The following NKX6-1 variants were observed in gnomAD, a reference collection of about 807,000 sequenced individuals.
The protein encoded by NKX6-1 is homeobox protein Nkx-6.1.
A neutral mutation model predicts 24.9 loss-of-function variants in NKX6-1; 11 were observed. That is an observed-to-expected ratio of 0.44 (90% CI 0.28 to 0.73). NKX6-1 has a LOEUF of 0.73. Ranked by LOEUF, NKX6-1 falls within the 30% of genes least tolerant of loss-of-function variation. NKX6-1 has a pLI of 0.15. For synonymous variants in NKX6-1, 277 were observed against 242.9 expected, an observed-to-expected ratio of 1.14 and a Z score of -1.31; for missense variants, 487 against 502.9, an observed-to-expected ratio of 0.97 and a Z score of 0.30.
At chr4:84,494,291 A>G (rs1260911475) in intron 2 of NKX6-1, among the ~76,000 whole-genome samples, 1 of 152,204 alleles carries the variant, frequency 6.6e-6, no homozygotes, top group Non-Finnish European at 1.5e-5. Context: ...TAAAACGTGA[A>G]AAATTGTCAA....
At position 84,491,996 on chromosome 4, in the gene NKX6-1, T is replaced by G. The variant is rs1720732957; in HGVS notation, c.*1293A>C. The G allele has an allele frequency of 3.3e-5, 5 of 152,004 alleles. No individual in the cohort carries two copies. Among genetic ancestry groups the G allele is most frequent in the Admixed American group, 3.3e-4 (5 of 15,254 alleles). The allele number at this position is 152,004 out of a possible 1,614,324, so 9.4% of individuals were successfully genotyped here. On this transcript the variant is annotated 3_prime_UTR_variant, in exon 3 of 3. Transcript: ENST00000295886. The stretch of plus-strand genomic sequence containing the variant: ...CAAGGCAACAGACGTCTTCAAACTG[T>G]TTTTTTTAATTTGATTTATCCTTTG...
rs1720773673 is a variant in NKX6-1, at chr4:84,493,908, T to C, written c.844-359A>G. The stretch of plus-strand genomic sequence containing the variant: ...TGCCTTCCAGTTTGAAGTTGAAAAC[T>C]TTCCCCCTTCATGAAGTTGCCCCAC... On this transcript the variant is annotated intron_variant, in intron 2 of 2. Transcript: ENST00000295886. This position sits in a 1 kb window ranked among gnomAD's most constrained non-coding sequence, Gnocchi z 5.1. Among the ~76,000 whole-genome samples the C allele has an allele frequency of 6.6e-6, 1 of 152,216 alleles. No homozygotes were observed. Among genetic ancestry groups the C allele is most frequent in the Non-Finnish European group, 1.5e-5 (1 of 68,038 alleles).
At position 84,495,700 on chromosome 4, in the gene NKX6-1, G is replaced by A; in HGVS notation, c.815C>T (p.Ser272Leu). The change falls in exon 2 of 3, where the codon TCG (serine) becomes TTG (leucine). Residue 272 changes from serine to leucine, a missense_variant. Ser to Leu is a moderately radical substitution (Grantham distance 145). Around this residue, in one of 3 missense-constraint regions of NKX6-1, gnomAD observed 45 missense variants for 86.0 expected, o/e 0.52. Transcript: ENST00000295886. ...GACCTGACTCTCTGTCATCCCCAACGAATAGGCCAAACGAGCCCTCTCGGG... is the reference window on the plus strand; with the variant it reads ...GACCTGACTCTCTGTCATCCCCAACAAATAGGCCAAACGAGCCCTCTCGGG... ...AGPERARLAY[S>L]LGMTESQVKV... is the part of the protein sequence containing the mutation. 1 of 1,612,636 alleles carries A rather than the reference G, an allele frequency of 6.2e-7. No individual in the cohort carries two copies. The highest frequency in any genetic ancestry group is 8.5e-7 in the Non-Finnish European group (1 of 1,180,026).
rs560506089 is a variant in NKX6-1 at position 84,497,820 on chromosome 4, A to G, written c.409T>C (p.Ser137Pro). Residue 137 changes from serine to proline, a missense_variant, in exon 1 of 3, where the codon TCT becomes CCT. By Grantham distance (74) the Ser-to-Pro change is moderately conservative (BLOSUM62 -1). Transcript: ENST00000295886. The surrounding 1 kb of genome is among the most constrained non-coding windows in gnomAD (Gnocchi z 4.8). ...GCGGCAGCAGCCGCGGCGGCGGCAG[A>G]GGCGGAGGAGGCAGAGGCGGACGAG... The part of the protein sequence containing the change: ...SSSSASASSA[S>P]AAAAAAAAAA... 2 of 1,271,854 alleles carry G rather than the reference A, an allele frequency of 1.6e-6. No homozygotes were observed. Among genetic ancestry groups the G allele is most frequent in the Non-Finnish European group, 2.0e-6 (2 of 1,014,066 alleles). 78.8% of individuals were successfully genotyped at this position (1,271,854 alleles called of 1,614,324 possible).
chr4:84,495,871 AG>A (rs1436839541), intron 1 of NKX6-1, 27 bp from the exon 2 acceptor site: 11 of 1,611,144 alleles, frequency 6.8e-6, no homozygotes, highest in Non-Finnish European at 9.3e-6. Context: ...ACAACGAGAG[AG>A]GGGGAAAAAC....
At chr4:84,495,290 C>G (rs2278672) in intron 2 of NKX6-1, among the ~76,000 whole-genome samples, 49,634 of 152,028 alleles carry the variant, frequency 0.33, 8,416 homozygotes, top group Middle Eastern at 0.45. Context: ...CAAACAAAAA[C>G]TTGGATATCG....
Position 84,493,695 on chromosome 4 carries a change from C to A in NKX6-1, c.844-146G>T. 1 of 1,036,998 alleles carries A rather than the reference C, an allele frequency of 9.6e-7. No homozygotes were observed. Among genetic ancestry groups the A allele is most frequent in the East Asian group, 2.6e-5 (1 of 38,448 alleles). 64.2% of individuals were successfully genotyped at this position (1,036,998 alleles called of 1,614,324 possible). A position where few individuals can be genotyped will look rare whatever the true frequency, so the allele number is the denominator to read the frequency against. On this transcript the variant is annotated intron_variant, in intron 2 of 2. Coordinates refer to ENST00000295886, the MANE Select transcript of NKX6-1 (RefSeq NM_006168.3). The surrounding 1 kb of genome is among the most constrained non-coding windows in gnomAD (Gnocchi z 5.1). ...GCCCTCCCTCGCAGCCCTCCCTTTT[C>A]TCGGCCGTCAAAGTCAGTCTCCGTC...
At position 84,495,816 on chromosome 4, in the gene NKX6-1, G is replaced by A. The variant is rs781546328; in HGVS notation, c.699C>T (p.Asp233=). The change falls in exon 2 of 3, where the codon GAC becomes GAT. Residue 233 remains aspartate, a synonymous_variant. Transcript: ENST00000295886. ...TGGGTCTCGTGTGTTTTCTCTTCCC[G>A]TCTTTGTCCAACAAAATGGATCCTT... is the stretch of plus-strand genomic sequence containing the variant. ...PHQGSILLDK[D]GKRKHTRPTF... 14 of 1,613,930 alleles carry A rather than the reference G, an allele frequency of 8.7e-6. No homozygotes were observed. The highest frequency in any genetic ancestry group is 1.6e-4 in the Middle Eastern group (1 of 6,078).
chr4:84,493,190 C>G lies in NKX6-1; in HGVS notation c.*99G>C, dbSNP rs1720756842. On this transcript the variant is annotated 3_prime_UTR_variant, in exon 3 of 3. Coordinates refer to ENST00000295886, the MANE Select transcript of NKX6-1 (RefSeq NM_006168.3). This position sits in a 1 kb window ranked among gnomAD's most constrained non-coding sequence, Gnocchi z 5.1. The stretch of plus-strand genomic sequence containing the variant: ...GCAGGCAGGGCCGGGTCCTCCGGGC[C>G]CCGAGGAGCGGGCAGGCGCGGCGTG... The G allele has an allele frequency of 8.5e-7, 1 of 1,177,548 alleles. No individual in the cohort carries two copies. Among genetic ancestry groups the G allele is most frequent in the Non-Finnish European group, 1.1e-6 (1 of 908,412 alleles). The allele number at this position is 1,177,548 out of a possible 1,614,324, so 72.9% of individuals were successfully genotyped here.
At chr4:84,496,529 C>G (rs1051023344) in intron 1 of NKX6-1, 1 of 152,256 alleles carries the variant, frequency 6.6e-6, no homozygotes, top group Non-Finnish European at 1.5e-5. Flanking sequence ...CAGTTACTGC[C>G]GCTCAGCCGC....
chr4:84,496,604 A>C (rs976415986), intron 1 of NKX6-1: 2 of 152,280 alleles, frequency 1.3e-5, no homozygotes, highest in Non-Finnish European at 2.9e-5. Flanking sequence ...GAACTGAGCG[A>C]GAAAAGGACC....
At position 84,495,660 on chromosome 4, in the gene NKX6-1, A is replaced by G; in HGVS notation, c.843+12T>C. On this transcript the variant is annotated intron_variant, in intron 2 of 2. Coordinates refer to ENST00000295886, the MANE Select transcript of NKX6-1 (RefSeq NM_006168.3). ...CGGTACCTATCCCTCCAGGTATGCA[A>G]GGTCCACTCACCTTGACCTGACTCT... The G allele has an allele frequency of 6.2e-7, 1 of 1,610,192 alleles. No homozygotes were observed. The highest frequency in any genetic ancestry group is 1.1e-5 in the South Asian group (1 of 90,932).
In NKX6-1 at chr4:84,493,373, C is replaced by A; in HGVS notation, c.1020G>T (p.Thr340=). Residue 340 remains threonine (T), a synonymous_variant, in exon 3 of 3, where the codon ACG becomes ACT. Transcript: ENST00000295886. This position sits in a 1 kb window ranked among gnomAD's most constrained non-coding sequence, Gnocchi z 5.1. ...LDPNSDDEKI[T]QLLKKHKSSS... Reference sequence around the variant, plus strand: ...TGGACTTGTGCTTCTTCAACAGCTGCGTGATTTTCTCGTCGTCCGAGTTGG... The same window carrying A: ...TGGACTTGTGCTTCTTCAACAGCTGAGTGATTTTCTCGTCGTCCGAGTTGG... The A allele has an allele frequency of 1.2e-6, 2 of 1,614,070 alleles. No homozygotes were observed. The highest frequency in any genetic ancestry group is 1.7e-4 in the Middle Eastern group (1 of 6,058).
rs1323285634 is a variant in NKX6-1, at chr4:84,493,068, C to T, written c.*221G>A. The T allele has an allele frequency of 1.3e-5, 5 of 378,732 alleles. No individual in the cohort carries two copies. The highest frequency in any genetic ancestry group is 4.7e-5 in the Admixed American group (1 of 21,286). The allele number at this position is 378,732 out of a possible 1,614,324, so 23.5% of individuals were successfully genotyped here. A position where few individuals can be genotyped will look rare whatever the true frequency, so the allele number is the denominator to read the frequency against. The stretch of plus-strand genomic sequence containing the variant: ...CAGTGCATTTGGTGGTCTTTCTTGC[C>T]TTATCAACCCCGGAGTCTCTCTCCC... On this transcript the variant is annotated 3_prime_UTR_variant, in exon 3 of 3. Transcript: ENST00000295886. The surrounding 1 kb of genome is among the most constrained non-coding windows in gnomAD (Gnocchi z 5.1).
intron 2 of NKX6-1, 51 bp downstream of exon 2, chr4:84,495,621 G>T: frequency 4.6e-6 from 7 of 1,518,550 alleles, no homozygotes; most frequent in Non-Finnish European, 5.4e-6. Context: ...GTGTGCACGC[G>T]CGCGCGACAG....
chr4:84,498,298 G>C lies in NKX6-1; in HGVS notation c.-70C>G. The C allele has an allele frequency of 7.9e-7, 1 of 1,272,358 alleles. No individual in the cohort carries two copies. Among genetic ancestry groups the C allele is most frequent in the Non-Finnish European group, 9.9e-7 (1 of 1,009,670 alleles). 78.8% of individuals were successfully genotyped at this position (1,272,358 alleles called of 1,614,324 possible). A position where few individuals can be genotyped will look rare whatever the true frequency, so the allele number is the denominator to read the frequency against. Reference sequence around the variant, plus strand: ...GCTGGTGCCCCCCGCGGGGCTCAGAGGAGCCGGAAGCGCCGAGGGCGCGAG... The same window carrying C: ...GCTGGTGCCCCCCGCGGGGCTCAGACGAGCCGGAAGCGCCGAGGGCGCGAG... On this transcript the variant is annotated 5_prime_UTR_variant, in exon 1 of 3. Transcript: ENST00000295886.
Position 84,497,877 on chromosome 4 carries a change from C to T in NKX6-1, c.352G>A (p.Ala118Thr), listed in dbSNP as rs1720854386. The change falls in exon 1 of 3, where the codon GCC becomes ACC. Residue 118 changes from alanine to threonine, a missense_variant. Ala to Thr is a moderately conservative substitution (Grantham distance 58). This residue lies in a region of NKX6-1 where 316 missense variants were observed against 311.4 expected (regional missense o/e 1.01). Coordinates refer to ENST00000295886, the MANE Select transcript of NKX6-1 (RefSeq NM_006168.3). This position sits in a 1 kb window ranked among gnomAD's most constrained non-coding sequence, Gnocchi z 4.8. ...PVASGAALPS[A>T]SPSGSSSSSS... ...GAGGAGGAGGAACCGGAGGGCGAGGCGGAGGGCAGGGCGGCCCCCGAGGCC... is the reference window on the plus strand; with the variant it reads ...GAGGAGGAGGAACCGGAGGGCGAGGTGGAGGGCAGGGCGGCCCCCGAGGCC... 1 of 1,278,202 alleles carries T rather than the reference C, an allele frequency of 7.8e-7. No individual in the cohort carries two copies. Among genetic ancestry groups the T allele is most frequent in the Non-Finnish European group, 9.9e-7 (1 of 1,013,692 alleles). 79.2% of individuals were successfully genotyped at this position (1,278,202 alleles called of 1,614,324 possible).
In NKX6-1 at chr4:84,493,600, C is replaced by G. The variant is rs377542520; in HGVS notation, c.844-51G>C. On this transcript the variant is annotated intron_variant, in intron 2 of 2. Transcript: ENST00000295886. The surrounding 1 kb of genome is among the most constrained non-coding windows in gnomAD (Gnocchi z 5.1). ...GGGGAGGCAAGGGCGAGGAATTAAA[C>G]GAGCAGATCCAGGCCATGCTACCAC... 2.3e-5 allele frequency: 37 copies of G among 1,605,046 alleles called. No homozygotes were observed. Among genetic ancestry groups the G allele is most frequent in the South Asian group, 1.8e-4 (16 of 90,398 alleles).
Position 84,497,579 on chromosome 4 carries a change from G to A in NKX6-1, c.650C>T (p.Ala217Val), listed in dbSNP as rs757354705. The A allele has an allele frequency of 2.4e-6, 3 of 1,266,360 alleles. No homozygotes were observed. The highest frequency in any genetic ancestry group is 2.0e-6 in the Non-Finnish European group (2 of 999,838). 78.4% of individuals were successfully genotyped at this position (1,266,360 alleles called of 1,614,324 possible). A position where few individuals can be genotyped will look rare whatever the true frequency, so the allele number is the denominator to read the frequency against. ...GVMQSPPWRD[A>V]RLACTPHQGS... is the part of the protein sequence containing the mutation. The stretch of plus-strand genomic sequence containing the variant: ...CTCACGAGGGGTACAGGCCAGGCGT[G>A]CGTCCCTCCAGGGCGGGCTCTGCAT... The change falls in exon 1 of 3, where the codon GCA becomes GTA. Residue 217 changes from alanine (A) to valine (V), a missense_variant. Coordinates refer to ENST00000295886, the MANE Select transcript of NKX6-1 (RefSeq NM_006168.3). The surrounding 1 kb of genome is among the most constrained non-coding windows in gnomAD (Gnocchi z 4.8).
Sources: gnomAD v4.1 joint callset for allele counts (sites outside exome capture counted in the v4.1 genomes callset) on GRCh38, gnomAD v4.1.1 for gene constraint, gnomAD v4.1.1 regional missense constraint, Gnocchi (gnomAD v3.1) non-coding constraint, MANE v1.5 for transcripts, NCBI Gene and HGNC (gene_info 2026-07-23, HGNC 2026-07-21) for gene names.